Variants in CHD3 observed in about 807,000 individuals in gnomAD.
CHD3 encodes the protein ATP-dependent chromatin remodeler CHD3.
CHD3 carries 52 observed loss-of-function variants against 248.9 expected under a neutral mutation model. That is an observed-to-expected ratio of 0.21 (90% CI 0.17 to 0.26). The LOEUF (loss-of-function observed/expected upper bound fraction) is 0.26. Ranked by LOEUF, CHD3 falls within the 10% of genes least tolerant of loss-of-function variation. The pLI is 1.00. For missense variants in CHD3, 1,482 were observed against 2,605.8 expected (o/e 0.57, Z 9.39); for synonymous variants, 985 against 985.2 (o/e 1.00, Z 0.00).
intron 13 of CHD3, among the ~76,000 whole-genome samples, 173 bp downstream of exon 13, chr17:7,898,768 G>A (rs1969981328): frequency 6.6e-6 from 1 of 152,176 alleles, no homozygotes; most frequent in Non-Finnish European, 1.5e-5. Context: ...GAAAGGGCAG[G>A]AGCCACTAGA....
At position 7,894,899 on chromosome 17, in the gene CHD3, C is replaced by G. The variant is rs1438110380; in HGVS notation, c.1270-18C>G. 3.1e-6 allele frequency: 5 copies of G among 1,611,672 alleles called. No individual in the cohort carries two copies. Among genetic ancestry groups the G allele is most frequent in the Non-Finnish European group, 4.2e-6 (5 of 1,179,344 alleles). ...TAATTTCTTCCATCTGTCTGTGTGT[C>G]TATCCTTGGCCCCCTAGGAGAAGGA... On this transcript the variant is annotated intron_variant, in intron 8 of 39. Coordinates refer to ENST00000330494, the MANE Select transcript of CHD3 (RefSeq NM_001005273.3).
chr17:7,896,891 T>A (rs1296888778), intron 10 of CHD3, among the ~76,000 whole-genome samples, 192 bp from the exon 11 acceptor site: 1 of 152,174 alleles, frequency 6.6e-6, no homozygotes, highest in African/African-American at 2.4e-5. Flanking sequence ...ACTCCTGACC[T>A]CAGGTGATCC....
At chr17:7,898,908 G>A in intron 13 of CHD3, 103 bp from the exon 14 acceptor site, 1 of 1,037,826 alleles carries the variant, frequency 9.6e-7, no homozygotes, top group Non-Finnish European at 1.5e-6. Context: ...CCATAGTAGA[G>A]GGAATTGTAA....
chr17:7,909,989 A>G lies in CHD3; in HGVS notation c.5591-439A>G, dbSNP rs1267867785. On this transcript the variant is annotated intron_variant, in intron 37 of 39. Coordinates refer to ENST00000330494, the MANE Select transcript of CHD3 (RefSeq NM_001005273.3). This position sits in a 1 kb window ranked among gnomAD's most constrained non-coding sequence, Gnocchi z 8.1. ...TAACCTCCCTCTCCCCTTACATATT[A>G]AAACCGTGATTCCTTAAAGCTTTGA... The G allele has an allele frequency of 3.7e-6, 1 of 267,666 alleles. No individual in the cohort carries two copies. The highest frequency in any genetic ancestry group is 7.3e-6 in the Non-Finnish European group (1 of 136,822). 16.6% of individuals were successfully genotyped at this position (267,666 alleles called of 1,614,324 possible).
At chr17:7,901,188 A>ATATGGGGG in intron 19 of CHD3, 56 bp from the exon 20 acceptor site, 1 of 1,551,864 alleles carries the variant, frequency 6.4e-7, no homozygotes, top group Non-Finnish European at 8.7e-7. Context: ...TGTGGCAAGA[A>ATATGGGGG]TATGGGGGCA....
In CHD3 at chr17:7,909,578, G is replaced by A. The variant is rs1413825433; in HGVS notation, c.5590+240G>A. 1.4e-5 allele frequency: 8 copies of A among 578,262 alleles called. No homozygotes were observed. The African/African-American group carries it at 1.5e-4, about 11-fold the overall frequency. 35.8% of individuals were successfully genotyped at this position (578,262 alleles called of 1,614,324 possible). ...ACATCCGTGCCCAATAGAGGGACCT[G>A]CCCCAGCCTCTGTGTCCCCTCCACA... On this transcript the variant is annotated intron_variant, in intron 37 of 39. Transcript: ENST00000330494. This position sits in a 1 kb window ranked among gnomAD's most constrained non-coding sequence, Gnocchi z 8.1.
chr17:7,898,371 TG>T, intron 12 of CHD3, 124 bp from the exon 13 acceptor site: 1 of 807,876 alleles, frequency 1.2e-6, no homozygotes, highest in Non-Finnish European at 2.0e-6. Context: ...GTAAAGAGCC[TG>T]GGAAAAAGGA....
upstream of CHD3, among the ~76,000 whole-genome samples, chr17:7,886,034 G>T (rs1363877221): frequency 6.6e-6 from 1 of 151,990 alleles, no homozygotes; most frequent in Non-Finnish European, 1.5e-5. The surrounding 1 kb of genome is among the most constrained non-coding windows in gnomAD (Gnocchi z 4.2). Flanking sequence ...TCCCCCTCTT[G>T]ACCCCGTCAG....
At chr17:7,896,437 C>T (rs1408100512) in intron 10 of CHD3, among the ~76,000 whole-genome samples, 1 of 144,558 alleles carries the variant, frequency 6.9e-6, no homozygotes, top group East Asian at 2.1e-4. Context: ...TGGAGTTTCG[C>T]TCTTGTTGCC....
At position 7,908,032 on chromosome 17, in the gene CHD3, C is replaced by G; in HGVS notation, c.5152+13C>G. 6.3e-7 allele frequency: 1 copy of G among 1,587,350 alleles called. No individual in the cohort carries two copies. Among genetic ancestry groups the G allele is most frequent in the South Asian group, 1.1e-5 (1 of 89,066 alleles). ...GGTGGCTTCACAGGTTGGGGAGACT[C>G]TCGCTGCTTTCTGCTCCTCAAGGGG... On this transcript the variant is annotated intron_variant, in intron 34 of 39. Coordinates refer to ENST00000330494, the MANE Select transcript of CHD3 (RefSeq NM_001005273.3). The surrounding 1 kb of genome is among the most constrained non-coding windows in gnomAD (Gnocchi z 5.8).
chr17:7,896,613 C>T (rs777414277), intron 10 of CHD3, among the ~76,000 whole-genome samples: 1 of 151,204 alleles, frequency 6.6e-6, no homozygotes, highest in South Asian at 2.1e-4. Context: ...CCATGTTGAT[C>T]AGGCTGGTCT....
chr17:7,896,227 CAAAAAAAAAAA>C (rs750972677), intron 10 of CHD3, among the ~76,000 whole-genome samples: 1 of 57,928 alleles, frequency 1.7e-5, no homozygotes, highest in Non-Finnish European at 3.5e-5. Context: ...CACTCTATCT[CAAAAAAAAAAA>C]AAAAAAAAAA....
chr17:7,907,434 G>T lies in CHD3; in HGVS notation c.4870G>T (p.Val1624Leu), dbSNP rs764744887. 1.1e-4 allele frequency: 178 copies of T among 1,611,268 alleles called. No individual in the cohort carries two copies. The Admixed American group carries it at 2.9e-3, about 26-fold the overall frequency. The change falls in exon 32 of 40, where the codon GTG becomes TTG. Residue 1624 changes from valine (V) to leucine (L), a missense_variant. By Grantham distance (32) the Val-to-Leu change is conservative. Around this residue, in one of 20 missense-constraint regions of CHD3, gnomAD observed 254 missense variants for 266.7 expected, o/e 0.95. Coordinates refer to ENST00000330494, the MANE Select transcript of CHD3 (RefSeq NM_001005273.3). This position sits in a 1 kb window ranked among gnomAD's most constrained non-coding sequence, Gnocchi z 4.3. ...TCCTCTAGAGGATGAGGTGCCAGGGGTGCCTGGAGAGATGGAGCCTGAACC... is the reference window on the plus strand; with the variant it reads ...TCCTCTAGAGGATGAGGTGCCAGGGTTGCCTGGAGAGATGGAGCCTGAACC... The part of the protein sequence containing the change: ...KIPLEDEVPG[V>L]PGEMEPEPGY...
intron 20 of CHD3, among the ~76,000 whole-genome samples, chr17:7,901,627 C>A (rs1375873470): frequency 6.6e-6 from 1 of 151,206 alleles, no homozygotes; most frequent in Non-Finnish European, 1.5e-5. Flanking sequence ...TCTCCTGCCT[C>A]AGCCTCCCAA....
chr17:7,906,239 G>C lies in CHD3; in HGVS notation c.4358+250G>C. On this transcript the variant is annotated intron_variant, in intron 28 of 39. Coordinates refer to ENST00000330494, the MANE Select transcript of CHD3 (RefSeq NM_001005273.3). This position sits in a 1 kb window ranked among gnomAD's most constrained non-coding sequence, Gnocchi z 5.0. ...GGCGTTGAAGCAAGGAGCCTCTCCT[G>C]GGCTGTCCTAGCCTCACATTTACTT... The C allele has an allele frequency of 1.3e-6, 1 of 754,034 alleles. No individual in the cohort carries two copies. The highest frequency in any genetic ancestry group is 1.8e-5 in the Admixed American group (1 of 57,130). 46.7% of individuals were successfully genotyped at this position (754,034 alleles called of 1,614,324 possible).
chr17:7,894,823 T>G, intron 8 of CHD3, 94 bp from the exon 9 acceptor site: 1 of 1,555,762 alleles, frequency 6.4e-7, no homozygotes, highest in Admixed American at 1.8e-5. Flanking sequence ...TTCTCTGCAC[T>G]TCTAGGATTC....
intron 10 of CHD3, among the ~76,000 whole-genome samples, chr17:7,896,679 C>T (rs570215686): frequency 4.0e-5 from 6 of 148,914 alleles, no homozygotes; most frequent in Non-Finnish European, 5.9e-5. Context: ...TGCTGGGACG[C>T]GCCTGTTATT....
Position 7,889,148 on chromosome 17 carries a change from G to T in CHD3, c.100+48G>T. The T allele has an allele frequency of 6.2e-7, 1 of 1,612,280 alleles. No individual in the cohort carries two copies. Among genetic ancestry groups the T allele is most frequent in the Non-Finnish European group, 8.5e-7 (1 of 1,178,700 alleles). ...ATAGAGGCCTCCCTCTTGGCAAAAG[G>T]ATGTCAGGGCCCCAGGGTGTTAGTG... On this transcript the variant is annotated intron_variant, in intron 1 of 39. Transcript: ENST00000330494. The surrounding 1 kb of genome is among the most constrained non-coding windows in gnomAD (Gnocchi z 4.5).
chr17:7,895,419 A>G lies in CHD3; in HGVS notation c.1584A>G (p.Gln528=), dbSNP rs761194892. 2 of 1,614,084 alleles carry G rather than the reference A, an allele frequency of 1.2e-6. No individual in the cohort carries two copies. The highest frequency in any genetic ancestry group is 1.7e-6 in the Non-Finnish European group (2 of 1,180,010). ...CACCTGTAGCAGTGCCAGCCCCTCA[A>G]CAGGCAGATGGAAATCCAGATGTCC... ...GEPPVAVPAP[Q]QADGNPDVPP... Residue 528 remains glutamine, a synonymous_variant, in exon 10 of 40, where the codon CAA becomes CAG. Transcript: ENST00000330494. The surrounding 1 kb of genome is among the most constrained non-coding windows in gnomAD (Gnocchi z 4.9).
Sources: gnomAD v4.1 joint callset for allele counts (sites outside exome capture counted in the v4.1 genomes callset) on GRCh38, gnomAD v4.1.1 for gene constraint, gnomAD v4.1.1 regional missense constraint, Gnocchi (gnomAD v3.1) non-coding constraint, MANE v1.5 for transcripts, NCBI Gene and HGNC (gene_info 2026-07-23, HGNC 2026-07-21) for gene names.